The following RBPMS variants were observed in gnomAD, a reference collection of about 807,000 sequenced individuals.
RBPMS encodes the protein RNA-binding protein with multiple splicing.
RBPMS carries 7 observed loss-of-function variants against 26.8 expected under a neutral mutation model. That is an observed-to-expected ratio of 0.26 (90% confidence interval 0.15 to 0.49). The LOEUF (loss-of-function observed/expected upper bound fraction) is 0.49, where lower values mean the gene tolerates loss of function less well. Ranked by LOEUF, RBPMS falls within the 20% of genes least tolerant of loss-of-function variation. RBPMS has a pLI of 0.98. For missense variants in RBPMS, 186 were observed against 250.0 expected, an observed-to-expected ratio of 0.74 and a Z score of 1.73; for synonymous variants, 96 against 93.3, an observed-to-expected ratio of 1.03 and a Z score of -0.17.
At chr8:30,451,356 T>C (rs1021253481) in intron 1 of RBPMS, among the ~76,000 whole-genome samples, 2 of 152,248 alleles carry the variant, frequency 1.3e-5, no homozygotes, top group African/African-American at 4.8e-5. Flanking sequence ...GCTTCAGCCA[T>C]TGACATAGTG....
chr8:30,515,484 A>G (rs1476203557), intron 5 of RBPMS, among the ~76,000 whole-genome samples: 1 of 152,190 alleles, frequency 6.6e-6, no homozygotes, highest in African/African-American at 2.4e-5. Context: ...CATATACTAC[A>G]GCCAATACAA....
chr8:30,528,175 CAA>C (rs371646274), intron 5 of RBPMS, among the ~76,000 whole-genome samples: 38 of 123,754 alleles, frequency 3.1e-4, no homozygotes, highest in Non-Finnish European at 2.6e-4. Context: ...AACTTTATTC[CAA>C]AAAAAAAAAA....
At chr8:30,527,528 C>A (rs1823720028) in intron 5 of RBPMS, among the ~76,000 whole-genome samples, 1 of 152,174 alleles carries the variant, frequency 6.6e-6, no homozygotes, top group Admixed American at 6.5e-5. Flanking sequence ...ATCTCGTCAC[C>A]CACTAGCTGG....
chr8:30,458,824 G>C (rs1452971504), intron 1 of RBPMS, among the ~76,000 whole-genome samples: 2 of 152,148 alleles, frequency 1.3e-5, no homozygotes, highest in Non-Finnish European at 2.9e-5. Flanking sequence ...TGATCCTCCT[G>C]CCTCAGTCTC....
At chr8:30,475,203 CAAAGT>C (rs938637802) in intron 2 of RBPMS, among the ~76,000 whole-genome samples, 6 of 152,022 alleles carry the variant, frequency 3.9e-5, no homozygotes, top group Non-Finnish European at 8.8e-5. Context: ...AACTTTCAAA[CAAAGT>C]AAAACAAAAT....
At chr8:30,466,595 T>C (rs1816525639) in intron 1 of RBPMS, among the ~76,000 whole-genome samples, 1 of 150,854 alleles carries the variant, frequency 6.6e-6, no homozygotes, top group African/African-American at 2.5e-5. Flanking sequence ...TTTCTTTTTT[T>C]TCTTTTTTTT....
chr8:30,416,281 C>T (rs1294689333), intron 1 of RBPMS, among the ~76,000 whole-genome samples: 1 of 152,132 alleles, frequency 6.6e-6, no homozygotes, highest in South Asian at 2.1e-4. Flanking sequence ...TCTTTGGCCC[C>T]TTATCCTACC....
At chr8:30,512,230 T>C (rs906822229) in intron 5 of RBPMS, among the ~76,000 whole-genome samples, 1 of 152,098 alleles carries the variant, frequency 6.6e-6, no homozygotes, top group African/African-American at 2.4e-5. Context: ...TATTTCCTTT[T>C]TTATTATTTA....
intron 4 of RBPMS, among the ~76,000 whole-genome samples, chr8:30,492,019 G>A (rs528121497): frequency 2.2e-4 from 34 of 152,242 alleles, no homozygotes; most frequent in Admixed American, 1.6e-3. Context: ...AGCCTCCTGA[G>A]TAGCTGGGAT....
At chr8:30,511,749 G>A (rs1410470832) in intron 5 of RBPMS, among the ~76,000 whole-genome samples, 2 of 150,570 alleles carry the variant, frequency 1.3e-5, no homozygotes, top group African/African-American at 2.4e-5. Context: ...GCTTGAACCC[G>A]GGAGGCCGAG....
At chr8:30,561,250 TG>T (rs1410854943) in intron 7 of RBPMS, among the ~76,000 whole-genome samples, 2 of 152,226 alleles carry the variant, frequency 1.3e-5, no homozygotes, top group Admixed American at 6.5e-5. Flanking sequence ...TCCAGAATTT[TG>T]TAAGTCCATG....
At chr8:30,504,154 T>C (rs1225895596) in intron 4 of RBPMS, 132 bp from the exon 5 acceptor site, 4 of 822,790 alleles carry the variant, frequency 4.9e-6, no homozygotes, top group Non-Finnish European at 6.0e-6. Flanking sequence ...CCTGTGTAAG[T>C]AGTAAGAATG....
intron 5 of RBPMS, among the ~76,000 whole-genome samples, chr8:30,511,489 ATATATATATAT>A (rs1563393228): frequency 0.35 from 2,619 of 7,474 alleles, 105 homozygotes; most frequent in Middle Eastern, 0.5. Context: ...AAAAAAAAAT[ATATATATATAT>A]ATATATATAT....
intron 1 of RBPMS, among the ~76,000 whole-genome samples, chr8:30,440,785 T>C (rs1033820838): frequency 1.5e-5 from 2 of 137,210 alleles, no homozygotes; most frequent in African/African-American, 2.9e-5. Context: ...AGAACACTTA[T>C]TTTTTTAACT....
At chr8:30,454,984 G>A (rs1466125621) in intron 1 of RBPMS, among the ~76,000 whole-genome samples, 6 of 152,224 alleles carry the variant, frequency 3.9e-5, no homozygotes, top group African/African-American at 1.4e-4. Flanking sequence ...CATCACACCC[G>A]GCTAATTTTT....
intron 1 of RBPMS, among the ~76,000 whole-genome samples, chr8:30,461,556 T>G (rs1205419230): frequency 6.6e-6 from 1 of 152,018 alleles, no homozygotes; most frequent in Admixed American, 6.6e-5. Context: ...CACCACGCCC[T>G]GCTAATTTTT....
chr8:30,386,289 A>G (rs564834486), intron 1 of RBPMS, among the ~76,000 whole-genome samples: 7 of 152,346 alleles, frequency 4.6e-5, no homozygotes, highest in African/African-American at 1.7e-4. Flanking sequence ...AAAATTGCAG[A>G]GGAATTCATT....
chr8:30,563,026 G>A (rs562342468), intron 7 of RBPMS, among the ~76,000 whole-genome samples: 11 of 152,358 alleles, frequency 7.2e-5, no homozygotes, highest in Admixed American at 5.9e-4. Flanking sequence ...AGGAGCTTAA[G>A]TTCTAATGGC....
chr8:30,476,156 C>G (rs1817673767), intron 2 of RBPMS, among the ~76,000 whole-genome samples: 1 of 151,956 alleles, frequency 6.6e-6, no homozygotes, highest in South Asian at 2.1e-4. Flanking sequence ...AGTATTGTCA[C>G]AATCCTTTCA....
Sources: allele counts gnomAD v4.1 joint callset (sites outside exome capture counted in the v4.1 genomes callset), GRCh38; gene constraint gnomAD v4.1.1; transcripts MANE v1.5; gene names NCBI Gene and HGNC (gene_info 2026-07-23, HGNC 2026-07-21).